The following PSMA1 variants were observed in gnomAD, a reference collection of about 807,000 sequenced individuals.
The protein encoded by PSMA1 is proteasome 20S subunit alpha 1.
A neutral mutation model predicts 38.4 loss-of-function variants in PSMA1; 3 were observed. That is an observed-to-expected ratio of 0.08 (90% CI 0.04 to 0.20). PSMA1 has a LOEUF of 0.20. Ranked by LOEUF, PSMA1 falls within the 10% of genes least tolerant of loss-of-function variation. The pLI, the probability that PSMA1 is intolerant of heterozygous loss-of-function variation, is 1.00. For missense variants in PSMA1, 227 were observed against 325.3 expected (o/e 0.70, Z 2.32); for synonymous variants, 101 against 107.1 (o/e 0.94, Z 0.35).
chr11:14,530,439 CAGAA>C (rs1456433039), intron 2 of PSMA1, among the ~76,000 whole-genome samples: 2 of 152,124 alleles, frequency 1.3e-5, no homozygotes, highest in African/African-American at 4.8e-5. Flanking sequence ...CAAACTGAGA[CAGAA>C]AGAGTCCCTT....
chr11:14,626,644 G>A (rs1026515670), intron 1 of PSMA1, among the ~76,000 whole-genome samples: 3 of 152,156 alleles, frequency 2.0e-5, no homozygotes, highest in African/African-American at 7.2e-5. Flanking sequence ...ACCTGGGCAA[G>A]TCCTATTGCC....
chr11:14,516,314 CCCA>C (rs1851428480), intron 4 of PSMA1, among the ~76,000 whole-genome samples: 1 of 152,182 alleles, frequency 6.6e-6, no homozygotes, highest in Non-Finnish European at 1.5e-5. Flanking sequence ...AAGCAATCCT[CCCA>C]CCTCAGCCTT....
At chr11:14,550,378 C>T (rs1057444191) in intron 2 of PSMA1, among the ~76,000 whole-genome samples, 3 of 152,286 alleles carry the variant, frequency 2.0e-5, no homozygotes, top group Admixed American at 1.3e-4. Flanking sequence ...TTATCATATA[C>T]TGCCTTTGGA....
rs547042579 is a variant in PSMA1 at position 14,562,130 on chromosome 11, C to G, written c.22-43089G>C. Among the ~76,000 whole-genome samples the G allele has an allele frequency of 7.0e-4, 107 of 152,212 alleles. 1 individual carries two copies. The highest frequency in any genetic ancestry group is 1.3e-3 in the Non-Finnish European group (88 of 68,032). On this transcript the variant is annotated intron_variant, in intron 2 of 10. Transcript: ENST00000418988. Reference sequence around the variant, plus strand: ...TGAACATCCTCCAGAGCTACCACTGCTTCAGGGCCTGAGACTGTGGGAGGT... The same window carrying G: ...TGAACATCCTCCAGAGCTACCACTGGTTCAGGGCCTGAGACTGTGGGAGGT...
chr11:14,607,953 C>T (rs1310384362), intron 2 of PSMA1, among the ~76,000 whole-genome samples: 1 of 152,138 alleles, frequency 6.6e-6, no homozygotes, highest in Non-Finnish European at 1.5e-5. Context: ...ATGATCCTCA[C>T]AGCAGGAAGT....
At chr11:14,531,715 C>T (rs891289946) in intron 2 of PSMA1, among the ~76,000 whole-genome samples, 31 of 152,260 alleles carry the variant, frequency 2.0e-4, no homozygotes, top group African/African-American at 7.2e-4. Context: ...CTGTCTTCAC[C>T]TCCCAAAGTG....
chr11:14,520,997 T>A (rs879553841), upstream of PSMA1, among the ~76,000 whole-genome samples: 2 of 152,204 alleles, frequency 1.3e-5, no homozygotes, highest in African/African-American at 4.8e-5. Context: ...GACTTTGAAC[T>A]CCATGAGGGC....
chr11:14,569,235 G>T (rs140390862), intron 2 of PSMA1, among the ~76,000 whole-genome samples: 7 of 152,012 alleles, frequency 4.6e-5, no homozygotes, highest in African/African-American at 1.7e-4. Flanking sequence ...AATTTCTTCT[G>T]CTGGGGGGAG....
chr11:14,581,522 T>G (rs1467530588), intron 2 of PSMA1, among the ~76,000 whole-genome samples: 1 of 151,956 alleles, frequency 6.6e-6, no homozygotes, highest in African/African-American at 2.4e-5. Context: ...TTAATAAGAG[T>G]GATCAGTAAG....
At chr11:14,619,982 C>G (rs1166164520) in intron 1 of PSMA1, among the ~76,000 whole-genome samples, 2 of 152,104 alleles carry the variant, frequency 1.3e-5, no homozygotes, top group African/African-American at 4.8e-5. Context: ...GGATATTGAG[C>G]AAACACTTTT....
intron 2 of PSMA1, among the ~76,000 whole-genome samples, chr11:14,593,432 C>T (rs992923197): frequency 1.3e-5 from 2 of 152,068 alleles, no homozygotes; most frequent in African/African-American, 2.4e-5. Flanking sequence ...AGGTTCTAGC[C>T]CTTTTGACTT....
chr11:14,620,269 C>G (rs1161833874), intron 1 of PSMA1, among the ~76,000 whole-genome samples: 1 of 152,158 alleles, frequency 6.6e-6, no homozygotes. Context: ...GAAACAGATC[C>G]AGGCTATTGG....
chr11:14,630,756 G>A (rs1473971865), intron 1 of PSMA1, among the ~76,000 whole-genome samples: 1 of 151,956 alleles, frequency 6.6e-6, no homozygotes, highest in African/African-American at 2.4e-5. Context: ...GTTCCTCCTT[G>A]TACCTCTGGT....
chr11:14,563,180 A>G (rs1852029447), intron 2 of PSMA1, among the ~76,000 whole-genome samples: 1 of 152,210 alleles, frequency 6.6e-6, no homozygotes, highest in African/African-American at 2.4e-5. Flanking sequence ...TATTGATTGT[A>G]ACAACTATTT....
chr11:14,565,770 TG>T (rs1331824629), intron 2 of PSMA1, among the ~76,000 whole-genome samples: 1 of 152,038 alleles, frequency 6.6e-6, no homozygotes, highest in Non-Finnish European at 1.5e-5. Flanking sequence ...TGTTAGAAAA[TG>T]GTAAGTGCAA....
At chr11:14,551,052 C>A (rs1851878881) in intron 2 of PSMA1, among the ~76,000 whole-genome samples, 1 of 152,160 alleles carries the variant, frequency 6.6e-6, no homozygotes, top group Non-Finnish European at 1.5e-5. Context: ...ACTTAAAAAT[C>A]TGACTTCAGT....
intron 4 of PSMA1, among the ~76,000 whole-genome samples, chr11:14,516,038 C>T (rs907160941): frequency 1.3e-5 from 2 of 151,494 alleles, no homozygotes; most frequent in African/African-American, 4.8e-5. Context: ...GGTGAAACCT[C>T]GTCTCTACTA....
At chr11:14,628,174 T>A (rs1852940882) in intron 1 of PSMA1, among the ~76,000 whole-genome samples, 2 of 152,164 alleles carry the variant, frequency 1.3e-5, no homozygotes, top group African/African-American at 4.8e-5. Context: ...TTTTTCTTTT[T>A]TTTTTATTAT....
chr11:14,628,264 C>A (rs939844894), intron 1 of PSMA1, among the ~76,000 whole-genome samples: 2 of 145,212 alleles, frequency 1.4e-5, no homozygotes, highest in Admixed American at 7.0e-5. Context: ...TGCGCTGCAC[C>A]CACTAACTTG....
Sources: allele counts gnomAD v4.1 joint callset (sites outside exome capture counted in the v4.1 genomes callset), GRCh38; gene constraint gnomAD v4.1.1; transcripts MANE v1.5; gene names NCBI Gene and HGNC (gene_info 2026-07-23, HGNC 2026-07-21).